The following CCDC91 variants were observed in gnomAD, a reference collection of about 807,000 sequenced individuals.
CCDC91 encodes coiled-coil domain-containing protein 91.
A neutral mutation model predicts 63.2 loss-of-function variants in CCDC91; 48 were observed. That is an observed-to-expected ratio of 0.76 (90% CI 0.60 to 0.97). The LOEUF (loss-of-function observed/expected upper bound fraction) is 0.97. CCDC91 is among the 50% of genes least tolerant of loss of function. CCDC91 has a pLI of 0.00. For missense variants in CCDC91, 500 were observed against 494.6 expected (o/e 1.01, Z -0.10); for synonymous variants, 167 against 165.8 (o/e 1.01, Z -0.06).
At chr12:28,426,097 T>A (rs1449816834) in intron 8 of CCDC91, among the ~76,000 whole-genome samples, 3 of 152,196 alleles carry the variant, frequency 2.0e-5, no homozygotes, top group Non-Finnish European at 2.9e-5. Flanking sequence ...ATATGTGATA[T>A]CACTAGTCTC....
At chr12:28,194,343 G>C (rs1388325510) in intron 1 of CCDC91, among the ~76,000 whole-genome samples, 1 of 152,044 alleles carries the variant, frequency 6.6e-6, no homozygotes, top group Non-Finnish European at 1.5e-5. Flanking sequence ...TCCAGAATTG[G>C]TTCCTTCCAG....
In CCDC91 at chr12:28,433,995, G is replaced by GT. The variant is rs373032673; in HGVS notation, c.763-16160dup. ...GTGTTTTTAATTTCAAATTCCACTT[G>GT]TTTTTTGCTAGTGTAAAGGAAAAAG... On this transcript the variant is annotated intron_variant, in intron 8 of 12. Transcript: ENST00000536442. Among the ~76,000 whole-genome samples the GT allele has an allele frequency of 9.3e-3, 1,416 of 151,784 alleles. 21 individuals are homozygous for GT. The highest frequency in any genetic ancestry group is 0.033 in the African/African-American group (1,354 of 41,462).
intron 12 of CCDC91, among the ~76,000 whole-genome samples, chr12:28,544,980 A>G (rs531899433): frequency 2.0e-5 from 3 of 152,084 alleles, no homozygotes; most frequent in Non-Finnish European, 4.4e-5. Context: ...TTCAGCAGTT[A>G]TACCAGCAAA....
chr12:28,496,937 TATATAC>T (rs1565476756), intron 12 of CCDC91, among the ~76,000 whole-genome samples: 1 of 143,510 alleles, frequency 7.0e-6, no homozygotes, highest in Non-Finnish European at 1.5e-5. Flanking sequence ...TATACATATA[TATATAC>T]ATATATATAT....
intron 8 of CCDC91, 89 bp downstream of exon 8, chr12:28,391,500 C>T: frequency 1.4e-6 from 1 of 699,630 alleles, no homozygotes; most frequent in South Asian, 2.5e-5. Context: ...CAGTTCTGTT[C>T]CATTTACTTG....
intron 2 of CCDC91, 148 bp from the exon 3 acceptor site, chr12:28,259,216 G>T: frequency 1.6e-6 from 1 of 621,126 alleles, no homozygotes. Context: ...AGTGGTAGGA[G>T]TTAAGACTGA....
intron 3 of CCDC91, among the ~76,000 whole-genome samples, chr12:28,274,149 G>A (rs1359109163): frequency 6.6e-6 from 1 of 152,114 alleles, no homozygotes; most frequent in Non-Finnish European, 1.5e-5. Context: ...TCGGATAGTT[G>A]TAGATATGCA....
At chr12:28,204,826 G>A (rs1035470969) in intron 1 of CCDC91, among the ~76,000 whole-genome samples, 1 of 152,060 alleles carries the variant, frequency 6.6e-6, no homozygotes, top group African/African-American at 2.4e-5. Context: ...TCTAGTTAGT[G>A]TAAAATATAA....
At chr12:28,245,409 C>T (rs1410233991) in intron 1 of CCDC91, among the ~76,000 whole-genome samples, 1 of 151,910 alleles carries the variant, frequency 6.6e-6, no homozygotes, top group African/African-American at 2.4e-5. Flanking sequence ...AATAAAATTT[C>T]CTTGTAGTAA....
chr12:28,267,797 AT>A (rs1565699643), intron 3 of CCDC91, among the ~76,000 whole-genome samples: 1 of 35,544 alleles, frequency 2.8e-5, no homozygotes, highest in African/African-American at 9.1e-5. Flanking sequence ...ATTATATATA[AT>A]TATATAGTAA....
At chr12:28,266,152 T>C (rs1947170653) in intron 3 of CCDC91, among the ~76,000 whole-genome samples, 1 of 151,986 alleles carries the variant, frequency 6.6e-6, no homozygotes, top group African/African-American at 2.4e-5. Flanking sequence ...AGTCTTGATG[T>C]GGGTTTTCAG....
intron 11 of CCDC91, among the ~76,000 whole-genome samples, chr12:28,475,224 C>T (rs1356278100): frequency 1.3e-5 from 2 of 151,908 alleles, no homozygotes; most frequent in Non-Finnish European, 2.9e-5. Context: ...TTACTGCCTT[C>T]CTTCATTTTT....
At chr12:28,422,883 A>G (rs538600025) in intron 8 of CCDC91, among the ~76,000 whole-genome samples, 25 of 152,258 alleles carry the variant, frequency 1.6e-4, no homozygotes, top group Admixed American at 1.5e-3. Flanking sequence ...TGTAATAGTG[A>G]GAACTAAATT....
chr12:28,456,100 A>G (rs1950045513), intron 11 of CCDC91, among the ~76,000 whole-genome samples: 6 of 152,246 alleles, frequency 3.9e-5, no homozygotes, highest in Admixed American at 3.9e-4. Context: ...TAGGAAACTG[A>G]TAGATAAGTT....
chr12:28,535,087 A>G (rs1942043215), intron 12 of CCDC91, among the ~76,000 whole-genome samples: 1 of 152,228 alleles, frequency 6.6e-6, no homozygotes, highest in Non-Finnish European at 1.5e-5. Context: ...AGGACCTACA[A>G]GTGTTCAGAA....
chr12:28,337,991 T>A (rs1942116784), intron 6 of CCDC91, among the ~76,000 whole-genome samples: 1 of 152,188 alleles, frequency 6.6e-6, no homozygotes, highest in Admixed American at 6.5e-5. Flanking sequence ...GCTCACCAGA[T>A]ATTGTCAGGG....
At chr12:28,465,210 A>G (rs1204253733) in intron 11 of CCDC91, among the ~76,000 whole-genome samples, 3 of 152,170 alleles carry the variant, frequency 2.0e-5, no homozygotes, top group African/African-American at 7.2e-5. Context: ...AACACCAGGT[A>G]GATGTCTACA....
At chr12:28,533,939 T>A (rs1160073452) in intron 12 of CCDC91, among the ~76,000 whole-genome samples, 2 of 152,150 alleles carry the variant, frequency 1.3e-5, no homozygotes, top group African/African-American at 4.8e-5. Flanking sequence ...TAATTTTTTC[T>A]TATACTTGTT....
intron 6 of CCDC91, among the ~76,000 whole-genome samples, chr12:28,349,527 A>G (rs1943042229): frequency 6.6e-6 from 1 of 152,142 alleles, no homozygotes; most frequent in Non-Finnish European, 1.5e-5. Flanking sequence ...TTAATCTACT[A>G]TTGACATCTT....
Sources: allele counts gnomAD v4.1 joint callset (sites outside exome capture counted in the v4.1 genomes callset), GRCh38; gene constraint gnomAD v4.1.1; transcripts MANE v1.5; gene names NCBI Gene and HGNC (gene_info 2026-07-23, HGNC 2026-07-21).